PTCH1: variants seen among roughly 807,000 people sequenced by gnomAD.
PTCH1 encodes patched 1.
In PTCH1, 14 loss-of-function variants were observed where a neutral mutation model predicts 144.6. The observed-to-expected ratio is 0.10, with a 90% confidence interval of 0.06 to 0.15. The LOEUF (loss-of-function observed/expected upper bound fraction) is 0.15, where lower values mean the gene tolerates loss of function less well. Ranked by LOEUF, PTCH1 falls within the 10% of genes least tolerant of loss-of-function variation. PTCH1 has a pLI of 1.00. For synonymous variants in PTCH1, 833 were observed against 793.6 expected (o/e 1.05, Z -0.83); for missense variants, 1,623 against 1,948.3 (o/e 0.83, Z 3.14).
Position 95,449,224 on chromosome 9 carries a change from C to T in PTCH1, c.3649G>A (p.Gly1217Arg), listed in dbSNP as rs768986314. 43 of 1,595,750 alleles carry T rather than the reference C, an allele frequency of 2.7e-5. No individual in the cohort carries two copies. Among genetic ancestry groups the T allele is most frequent in the South Asian group, 1.4e-4 (12 of 88,646 alleles). ...FAMPPGHTHS[G>R]SDSSDSEYSS... Reference sequence around the variant, plus strand: ...TACTCCGAGTCGGAGGAATCAGACCCGCTGTGCGTGTGGCCGGGCGGCATG... The same window carrying T: ...TACTCCGAGTCGGAGGAATCAGACCTGCTGTGCGTGTGGCCGGGCGGCATG... The change falls in exon 22 of 24, where the codon GGG (glycine) becomes AGG (arginine). Residue 1217 changes from glycine (G) to arginine (R), a missense_variant. This residue lies in a region of PTCH1 where 504 missense variants were observed against 679.3 expected (regional missense o/e 0.74). Transcript: ENST00000331920. This position sits in a 1 kb window ranked among gnomAD's most constrained non-coding sequence, Gnocchi z 5.3.
chr9:95,507,922 A>ACG (rs1348912466), intron 1 of PTCH1: 30 of 1,336,904 alleles, frequency 2.2e-5, no homozygotes, highest in East Asian at 3.0e-5. Context: ...ACACACACGC[A>ACG]CACACACACA....
intron 2 of PTCH1, among the ~76,000 whole-genome samples, chr9:95,487,613 A>G (rs1460858646): frequency 6.6e-6 from 1 of 152,220 alleles, no homozygotes; most frequent in East Asian, 1.9e-4. Flanking sequence ...GAGGCTAAAA[A>G]GCCAGTTATG....
At chr9:95,490,043 C>G (rs551534712) in intron 2 of PTCH1, among the ~76,000 whole-genome samples, 1 of 151,734 alleles carries the variant, frequency 6.6e-6, no homozygotes, top group Non-Finnish European at 1.5e-5. Flanking sequence ...ACCTTGTGAT[C>G]CGCCCACCTC....
intron 6 of PTCH1, 47 bp downstream of exon 6, chr9:95,480,343 G>C (rs1306619327): frequency 6.3e-7 from 1 of 1,596,030 alleles, no homozygotes; most frequent in Non-Finnish European, 8.6e-7. Flanking sequence ...ACACAAAAAA[G>C]TGTTTTGCTC....
rs1193295591 is a variant in PTCH1 at position 95,478,958 on chromosome 9, C to T, written c.1215+42G>A. The T allele has an allele frequency of 1.9e-6, 3 of 1,613,482 alleles. No individual in the cohort carries two copies. The African/African-American group carries it at 4.0e-5, about 22-fold the overall frequency. On this transcript the variant is annotated intron_variant, in intron 8 of 23. Transcript: ENST00000331920. ...AAATAATGGTGAAAATGAAGAATTGCATAACCAGCGAGTCTGCACGCCGAT... is the reference window on the plus strand; with the variant it reads ...AAATAATGGTGAAAATGAAGAATTGTATAACCAGCGAGTCTGCACGCCGAT...
rs985264115 is a variant in PTCH1 at position 95,443,325 on chromosome 9, G to C, written c.*3068C>G. 1.3e-5 allele frequency: 2 copies of C among 152,354 alleles called. No individual in the cohort carries two copies. Among genetic ancestry groups the C allele is most frequent in the African/African-American group, 2.4e-5 (1 of 41,440 alleles). 9.4% of individuals were successfully genotyped at this position (152,354 alleles called of 1,614,324 possible). A position where few individuals can be genotyped will look rare whatever the true frequency, so the allele number is the denominator to read the frequency against. ...AAGAAGAGTGTCACAAGGTCAGCAA[G>C]ATGAAACAACAGTTTCTGATGGCTC... On this transcript the variant is annotated 3_prime_UTR_variant, in exon 24 of 24. Coordinates refer to ENST00000331920, the MANE Select transcript of PTCH1 (RefSeq NM_000264.5).
rs1247754157 is a variant in PTCH1 at position 95,449,448 on chromosome 9, C to T, written c.3550-125G>A. On this transcript the variant is annotated intron_variant, in intron 21 of 23. Coordinates refer to ENST00000331920, the MANE Select transcript of PTCH1 (RefSeq NM_000264.5). This position sits in a 1 kb window ranked among gnomAD's most constrained non-coding sequence, Gnocchi z 5.3. ...TGCCCTGGGGCCCTGCGCACTGTGC[C>T]GTATTAACCTCCCCTTCTCTACCAC... is the stretch of plus-strand genomic sequence containing the variant. 9 of 1,347,286 alleles carry T rather than the reference C, an allele frequency of 6.7e-6. No individual in the cohort carries two copies. Among genetic ancestry groups the T allele is most frequent in the South Asian group, 2.5e-5 (2 of 79,322 alleles). The allele number at this position is 1,347,286 out of a possible 1,614,324, so 83.5% of individuals were successfully genotyped here. A position where few individuals can be genotyped will look rare whatever the true frequency, so the allele number is the denominator to read the frequency against.
In PTCH1 at chr9:95,508,857, G is replaced by C; in HGVS notation, c.-496C>G. Reference sequence around the variant, plus strand: ...CGGCGCCTCCCGGGTCGCCCGAGCGGCCGCGGAGGGCAAGCGCAGAGCCGC... The same window carrying C: ...CGGCGCCTCCCGGGTCGCCCGAGCGCCCGCGGAGGGCAAGCGCAGAGCCGC... On this transcript the variant is annotated 5_prime_UTR_variant, in exon 1 of 24. Transcript: ENST00000331920. 1.0e-6 allele frequency: 1 copy of C among 981,736 alleles called. No homozygotes were observed. Among genetic ancestry groups the C allele is most frequent in the Non-Finnish European group, 1.2e-6 (1 of 827,522 alleles). 60.8% of individuals were successfully genotyped at this position (981,736 alleles called of 1,614,324 possible).
In PTCH1 at chr9:95,482,040, T is replaced by C. The variant is rs1841580631; in HGVS notation, c.655A>G (p.Ile219Val). ...LITETGYMDQ[I>V]IEYLYPCLII... ...AAACAAGGGTAAAGATATTCTATTA[T>C]CTGTCAAAGTTAAAAAGAAGAGGCC... The change falls in exon 5 of 24, where the codon ATA becomes GTA. Residue 219 changes from isoleucine (I) to valine (V), a missense_variant and splice_region_variant. Ile to Val is a conservative substitution (Grantham distance 29). Around this residue, in one of 7 missense-constraint regions of PTCH1, gnomAD observed 39 missense variants for 75.6 expected, o/e 0.52. Coordinates refer to ENST00000331920, the MANE Select transcript of PTCH1 (RefSeq NM_000264.5). 2 of 1,613,432 alleles carry C rather than the reference T, an allele frequency of 1.2e-6. No individual in the cohort carries two copies. The highest frequency in any genetic ancestry group is 1.7e-6 in the Non-Finnish European group (2 of 1,179,474).
upstream of PTCH1, among the ~76,000 whole-genome samples, chr9:95,513,571 T>TGAGTC (rs1844243561): frequency 6.6e-6 from 1 of 152,156 alleles, no homozygotes; most frequent in Non-Finnish European, 1.5e-5. Context: ...GAATATGAGT[T>TGAGTC]GAGTCGACTC....
At chr9:95,467,590 G>C (rs550396314) in intron 14 of PTCH1, among the ~76,000 whole-genome samples, 165 bp from the exon 15 acceptor site, 1 of 152,202 alleles carries the variant, frequency 6.6e-6, no homozygotes, top group African/African-American at 2.4e-5. Context: ...CATAGTAATC[G>C]CATTTTTATT....
chr9:95,449,968 C>T lies in PTCH1; in HGVS notation c.3450-28G>A, dbSNP rs778133176. 14 of 1,593,714 alleles carry T rather than the reference C, an allele frequency of 8.8e-6. No individual in the cohort carries two copies. Among genetic ancestry groups the T allele is most frequent in the African/African-American group, 4.0e-5 (3 of 74,458 alleles). The stretch of plus-strand genomic sequence containing the variant: ...GGGAGATCAAGAGGAAACGGGAACA[C>T]GCGCTGTGACAGGGTGGATCGCGCC... On this transcript the variant is annotated intron_variant, in intron 20 of 23. Transcript: ENST00000331920. The surrounding 1 kb of genome is among the most constrained non-coding windows in gnomAD (Gnocchi z 5.3).
At position 95,480,081 on chromosome 9, in the gene PTCH1, T is replaced by C. The variant is rs1438545679; in HGVS notation, c.955A>G (p.Met319Val). The change falls in exon 7 of 24, where the codon ATG (methionine) becomes GTG (valine). Residue 319 changes from methionine to valine, a missense_variant. By Grantham distance (21) the Met-to-Val change is conservative (BLOSUM62 1). Around this residue, in one of 7 missense-constraint regions of PTCH1, gnomAD observed 230 missense variants for 271.0 expected, o/e 0.85. Transcript: ENST00000331920. ...CATCCACCATTCAAAACAAGGGCCA[T>C]ATCAAGAGGCTAAAATAAAAAGACA... ...PNKNSTKPLD[M>V]ALVLNGGCHG... 5 of 1,613,900 alleles carry C rather than the reference T, an allele frequency of 3.1e-6. No individual in the cohort carries two copies. In the Admixed American group the frequency reaches 5.0e-5, roughly 16 times the overall value.
chr9:95,456,478 GGTCGCCAGAGGGCTAAGGT>G, intron 18 of PTCH1, 65 bp from the exon 19 acceptor site: 1 of 1,586,198 alleles, frequency 6.3e-7, no homozygotes, highest in Admixed American at 1.8e-5. Flanking sequence ...CCACAAGGGA[GGTCGCCAGAGGGCTAAGGT>G]GTCCTCGGTT....
chr9:95,501,764 G>A (rs1341078933), intron 2 of PTCH1, among the ~76,000 whole-genome samples: 1 of 152,206 alleles, frequency 6.6e-6, no homozygotes, highest in Non-Finnish European at 1.5e-5. Context: ...AACTTGTTCT[G>A]AGGGAGGGCT....
rs747560273 is a variant in PTCH1 at position 95,461,937 on chromosome 9, C to A, written c.2622G>T (p.Lys874Asn). ...ETGKIMPNNY[K>N]NGSDDGVLAY... ...CAAGGACTCCATCGTCTGATCCATTCTTGTAATTGTTTGGCATGATTTTCC... is the reference window on the plus strand; with the variant it reads ...CAAGGACTCCATCGTCTGATCCATTATTGTAATTGTTTGGCATGATTTTCC... The change falls in exon 16 of 24, where the codon AAG (lysine) becomes AAT (asparagine). Residue 874 changes from lysine to asparagine, a missense_variant. By Grantham distance (94) the Lys-to-Asn change is moderately conservative. This residue lies in a region of PTCH1 where 504 missense variants were observed against 679.3 expected (regional missense o/e 0.74). Transcript: ENST00000331920. The A allele has an allele frequency of 6.2e-7, 1 of 1,614,232 alleles. No individual in the cohort carries two copies. The highest frequency in any genetic ancestry group is 8.5e-7 in the Non-Finnish European group (1 of 1,180,046).
chr9:95,471,647 G>A (rs971499727), intron 12 of PTCH1, among the ~76,000 whole-genome samples: 2 of 152,222 alleles, frequency 1.3e-5, no homozygotes, highest in South Asian at 2.1e-4. Flanking sequence ...GATGGATGGC[G>A]TCATGAAGGC....
chr9:95,480,710 ACTCTGGCATCAAAACAAATG>A, intron 5 of PTCH1, 122 bp from the exon 6 acceptor site: 1 of 974,154 alleles, frequency 1.0e-6, no homozygotes, highest in African/African-American at 1.6e-5. Flanking sequence ...CAGTTCTGGG[ACTCTGGCATCAAAACAAATG>A]CTCCTTTCCA....
At chr9:95,464,007 A>G (rs545326344) in intron 15 of PTCH1, among the ~76,000 whole-genome samples, 6 of 152,158 alleles carry the variant, frequency 3.9e-5, no homozygotes, top group Non-Finnish European at 7.4e-5. Flanking sequence ...ATTCACACAC[A>G]AAGACTTCTG....
Sources: allele counts gnomAD v4.1 joint callset (sites outside exome capture counted in the v4.1 genomes callset), GRCh38; gene constraint gnomAD v4.1.1; regional missense constraint gnomAD v4.1.1; non-coding constraint Gnocchi (gnomAD v3.1); transcripts MANE v1.5; gene names NCBI Gene and HGNC (gene_info 2026-07-23, HGNC 2026-07-21).